PIK3CB: variants seen among roughly 807,000 people sequenced by gnomAD.
PIK3CB encodes the protein phosphatidylinositol 4,5-bisphosphate 3-kinase catalytic subunit beta isoform.
A neutral mutation model predicts 136.8 loss-of-function variants in PIK3CB; 39 were observed. The ratio of observed to expected loss-of-function variants is 0.29; its 90% CI spans 0.22 to 0.37. PIK3CB has a LOEUF of 0.37. PIK3CB is among the 10% of genes least tolerant of loss of function. The pLI, the probability that PIK3CB is intolerant of heterozygous loss-of-function variation, is 1.00. For missense variants in PIK3CB, 868 were observed against 1,275.4 expected, an observed-to-expected ratio of 0.68 and a Z score of 4.87; for synonymous variants, 428 against 436.6, an observed-to-expected ratio of 0.98 and a Z score of 0.25.
At chr3:138,727,847 TTTTTG>T (rs910563083) in intron 8 of PIK3CB, among the ~76,000 whole-genome samples, 21 of 152,262 alleles carry the variant, frequency 1.4e-4, no homozygotes, top group South Asian at 6.2e-4. Context: ...TTTCTTTCTT[TTTTTG>T]TTTTGTTTTG....
At chr3:138,666,058 T>C (rs530202639) in intron 19 of PIK3CB, among the ~76,000 whole-genome samples, 1 of 152,340 alleles carries the variant, frequency 6.6e-6, no homozygotes, top group Admixed American at 6.5e-5. Context: ...ACTAGACCAA[T>C]ACATTCTGAA....
chr3:138,721,485 T>G (rs1302429357), intron 8 of PIK3CB, among the ~76,000 whole-genome samples: 1 of 152,216 alleles, frequency 6.6e-6, no homozygotes, highest in Non-Finnish European at 1.5e-5. Context: ...AATGTTACTC[T>G]AGGCTCAGTT....
chr3:138,709,557 G>A (rs1389093761), intron 10 of PIK3CB, among the ~76,000 whole-genome samples: 1 of 152,146 alleles, frequency 6.6e-6, no homozygotes, highest in Non-Finnish European at 1.5e-5. Flanking sequence ...TGATGACCTA[G>A]GGACTCTGGA....
chr3:138,721,689 AATGGGTGAATACAGT>A (rs1301911625), intron 8 of PIK3CB, among the ~76,000 whole-genome samples: 13 of 152,190 alleles, frequency 8.5e-5, no homozygotes, highest in Non-Finnish European at 1.5e-5. Flanking sequence ...TAAACCATCA[AATGGGTGAATACAGT>A]ACTAAGACTG....
intron 4 of PIK3CB, among the ~76,000 whole-genome samples, chr3:138,747,798 G>T (rs1054116793): frequency 3.3e-5 from 5 of 151,904 alleles, no homozygotes; most frequent in Non-Finnish European, 5.9e-5. Flanking sequence ...TTCAATATAC[G>T]TATTAAAAAA....
rs2043644059 is a variant in PIK3CB, at chr3:138,676,365, G to A, written c.2504+5602C>T. Among the ~76,000 whole-genome samples, 3 of 152,204 alleles carry A rather than the reference G, an allele frequency of 2.0e-5. No individual in the cohort carries two copies. In the East Asian group the frequency reaches 5.8e-4, roughly 29 times the overall value. On this transcript the variant is annotated intron_variant, in intron 19 of 23. Coordinates refer to ENST00000674063, the MANE Select transcript of PIK3CB (RefSeq NM_006219.3). ...GAAATTGGAACCTTTGTACATTGCT[G>A]GTTGGAATGTAAAATGATGCAGCTG...
chr3:138,772,633 ATTT>A (rs142422129), intron 2 of PIK3CB, among the ~76,000 whole-genome samples: 3 of 123,204 alleles, frequency 2.4e-5, no homozygotes, highest in Non-Finnish European at 3.5e-5. Context: ...CATTCTTTTG[ATTT>A]TTTTTTTTTT....
rs756330302 is a variant in PIK3CB, at chr3:138,655,388, G to A, written c.*1C>T. On this transcript the variant is annotated 3_prime_UTR_variant, in exon 24 of 24. Transcript: ENST00000674063. Reference sequence around the variant, plus strand: ...AATACATTAGGAGCGAAGGCTGATCGTTAAGATCTGTAGTCTTTCCGAACT... The same window carrying A: ...AATACATTAGGAGCGAAGGCTGATCATTAAGATCTGTAGTCTTTCCGAACT... The A allele has an allele frequency of 6.2e-6, 10 of 1,613,728 alleles. No homozygotes were observed. Among genetic ancestry groups the A allele is most frequent in the Admixed American group, 5.0e-5 (3 of 59,952 alleles).
chr3:138,718,406 ATAC>A (rs2044656842), intron 8 of PIK3CB, among the ~76,000 whole-genome samples: 1 of 152,138 alleles, frequency 6.6e-6, no homozygotes. Context: ...TTCCTTATAG[ATAC>A]TGGCTAATAG....
In PIK3CB at chr3:138,714,726, C is replaced by T. The variant is rs497900; in HGVS notation, c.1051-7G>A. ...GACCAGCCCTGACATGAACCTGTAA[C>T]GAAGCAGACAAAAACAAAAACAAAG... is the stretch of plus-strand genomic sequence containing the variant. On this transcript the variant is annotated splice_polypyrimidine_tract_variant and splice_region_variant and intron_variant, in intron 8 of 23. Coordinates refer to ENST00000674063, the MANE Select transcript of PIK3CB (RefSeq NM_006219.3). 889,344 of 1,572,516 alleles carry T rather than the reference C, an allele frequency of 0.57. 258,497 individuals carry two copies. The highest frequency in any genetic ancestry group is 0.98 in the East Asian group (43,467 of 44,142).
At chr3:138,786,600 C>A (rs1364043344) in intron 2 of PIK3CB, among the ~76,000 whole-genome samples, 1 of 152,106 alleles carries the variant, frequency 6.6e-6, no homozygotes, top group African/African-American at 2.4e-5. Flanking sequence ...CCCACCTCGG[C>A]CTCCCAAAGT....
intron 8 of PIK3CB, among the ~76,000 whole-genome samples, chr3:138,728,471 G>C (rs1236318207): frequency 6.6e-6 from 1 of 152,100 alleles, no homozygotes; most frequent in Non-Finnish European, 1.5e-5. Context: ...AGTAAGGTTG[G>C]TTTCAACTTT....
Position 138,654,208 on chromosome 3 carries a change from T to C in PIK3CB, c.*1181A>G, listed in dbSNP as rs1013121266. On this transcript the variant is annotated 3_prime_UTR_variant, in exon 24 of 24. Transcript: ENST00000674063. Reference sequence around the variant, plus strand: ...TTCTTTGGAGAATAAGCAGTAGTTTTGCTGGATGTTGCCAGGACTCAGAGA... The same window carrying C: ...TTCTTTGGAGAATAAGCAGTAGTTTCGCTGGATGTTGCCAGGACTCAGAGA... 8.9e-5 allele frequency: 19 copies of C among 213,534 alleles called. No homozygotes were observed. Among genetic ancestry groups the C allele is most frequent in the African/African-American group, 3.8e-4 (17 of 44,398 alleles). 13.2% of individuals were successfully genotyped at this position (213,534 alleles called of 1,614,324 possible).
At chr3:138,738,071 T>C (rs761818921) in intron 5 of PIK3CB, among the ~76,000 whole-genome samples, 185 bp from the exon 6 acceptor site, 1 of 152,182 alleles carries the variant, frequency 6.6e-6, no homozygotes, top group Non-Finnish European at 1.5e-5. Flanking sequence ...TAAAGATTTC[T>C]GATAATTTGA....
intron 5 of PIK3CB, among the ~76,000 whole-genome samples, chr3:138,741,497 T>C (rs887820968): frequency 2.0e-5 from 3 of 152,204 alleles, no homozygotes; most frequent in Non-Finnish European, 4.4e-5. Flanking sequence ...GTTGTTGTCA[T>C]TGCTATGGTT....
chr3:138,684,886 TG>T, intron 16 of PIK3CB, 83 bp from the exon 17 acceptor site: 1 of 925,836 alleles, frequency 1.1e-6, no homozygotes, highest in Non-Finnish European at 1.7e-6. Context: ...CAATAACACC[TG>T]CTCCCAACAT....
At chr3:138,706,959 A>T (rs541276217) in intron 11 of PIK3CB, among the ~76,000 whole-genome samples, 200 bp downstream of exon 11, 1 of 152,210 alleles carries the variant, frequency 6.6e-6, no homozygotes, top group South Asian at 2.1e-4. Context: ...CCCGGCCTGG[A>T]GGTACCTTTT....
At chr3:138,703,967 C>T (rs1313632289) in intron 12 of PIK3CB, among the ~76,000 whole-genome samples, 1 of 152,092 alleles carries the variant, frequency 6.6e-6, no homozygotes, top group East Asian at 1.9e-4. Context: ...CCTGTTCCTG[C>T]TGGCTGGAAT....
chr3:138,682,440 G>T (rs963709287), intron 18 of PIK3CB, among the ~76,000 whole-genome samples: 1 of 152,134 alleles, frequency 6.6e-6, no homozygotes, highest in African/African-American at 2.4e-5. Context: ...CTTACTAGAG[G>T]TCCGAGAGGA....
Sources: gnomAD v4.1 joint callset for allele counts (sites outside exome capture counted in the v4.1 genomes callset) on GRCh38, gnomAD v4.1.1 for gene constraint, MANE v1.5 for transcripts, NCBI Gene and HGNC (gene_info 2026-07-23, HGNC 2026-07-21) for gene names.